Variants in GPC3 observed in about 807,000 individuals in gnomAD.
GPC3 encodes glypican-3.
In GPC3, 3 loss-of-function variants were observed where a neutral mutation model predicts 34.4. That is an observed-to-expected ratio of 0.09 (90% CI 0.04 to 0.23). The LOEUF is 0.23. Among genes scored for constraint, GPC3 ranks in the 10% least tolerant of loss-of-function variants. The pLI is 1.00. For missense variants in GPC3, 351 were observed against 445.6 expected, an observed-to-expected ratio of 0.79 and a Z score of 1.91; for synonymous variants, 177 against 174.0, an observed-to-expected ratio of 1.02 and a Z score of -0.13.
intron 3 of GPC3, among the ~76,000 whole-genome samples, chrX:133,749,551 C>T (rs1346003746): frequency 9.0e-6 from 1 of 111,254 alleles, no homozygotes; most frequent in Non-Finnish European, 1.9e-5. Context: ...CGAACAGTAC[C>T]ACACTCACTT....
intron 7 of GPC3, among the ~76,000 whole-genome samples, chrX:133,586,665 G>A (rs776250844): frequency 4.5e-4 from 50 of 111,718 alleles, no homozygotes; most frequent in Non-Finnish European, 8.1e-4. Flanking sequence ...TGACTATGTG[G>A]TTATTTGTAC....
intron 2 of GPC3, among the ~76,000 whole-genome samples, chrX:133,843,346 G>C (rs2124553281): frequency 9.0e-6 from 1 of 111,209 alleles, no homozygotes; most frequent in Non-Finnish European, 1.9e-5. Flanking sequence ...ACTCAGTTCA[G>C]GTGAGATATG....
At chrX:133,751,322 T>G (rs1232488466) in intron 3 of GPC3, among the ~76,000 whole-genome samples, 2 of 111,318 alleles carry the variant, frequency 1.8e-5, no homozygotes, top group Non-Finnish European at 3.8e-5. Flanking sequence ...CAGTATTAGG[T>G]GAATGAACAT....
intron 2 of GPC3, among the ~76,000 whole-genome samples, chrX:133,851,432 T>C (rs2075873342): frequency 8.9e-6 from 1 of 112,080 alleles, no homozygotes; most frequent in African/African-American, 3.2e-5. Context: ...TATTTTCCTG[T>C]ATCTATTTCC....
At chrX:133,599,117 G>GTC (rs1453600605) in intron 6 of GPC3, among the ~76,000 whole-genome samples, 8 of 111,939 alleles carry the variant, frequency 7.1e-5, no homozygotes, top group African/African-American at 2.6e-4. Context: ...TAGTTTGTCA[G>GTC]TCATTCTCTC....
intron 2 of GPC3, among the ~76,000 whole-genome samples, chrX:133,882,031 G>A (rs1430211726): frequency 1.8e-5 from 2 of 112,376 alleles, no homozygotes; most frequent in Non-Finnish European, 3.8e-5. Context: ...TCAAGGCAGA[G>A]GGATGTAGCC....
chrX:133,565,361 C>T (rs1374311237), intron 7 of GPC3, among the ~76,000 whole-genome samples: 1 of 112,048 alleles, frequency 8.9e-6, no homozygotes, highest in East Asian at 2.8e-4. Flanking sequence ...CAATGCCTCA[C>T]AACTGTTCAC....
chrX:133,678,487 G>GT (rs1246567807), intron 5 of GPC3, among the ~76,000 whole-genome samples: 1 of 111,772 alleles, frequency 8.9e-6, no homozygotes, highest in Non-Finnish European at 1.9e-5. Flanking sequence ...TTTAGTAGCT[G>GT]TAAGAGTCAT....
Position 133,618,425 on chromosome X carries a change from A to C in GPC3, c.1414-21826T>G, listed in dbSNP as rs552167781. Among the ~76,000 whole-genome samples, 8 of 112,176 alleles carry C rather than the reference A, an allele frequency of 7.1e-5. No individual in the cohort carries two copies. The South Asian group carries it at 1.5e-3, about 21-fold the overall frequency. On this transcript the variant is annotated intron_variant, in intron 6 of 7. Coordinates refer to ENST00000370818, the MANE Select transcript of GPC3 (RefSeq NM_004484.4). Reference sequence around the variant, plus strand: ...TCAAAATTCATAATGAAATAAATTCAAAATGAAAGAATGCTCTTGTCAACA... The same window carrying C: ...TCAAAATTCATAATGAAATAAATTCCAAATGAAAGAATGCTCTTGTCAACA...
At chrX:133,697,773 T>C (rs1328366121) in intron 4 of GPC3, among the ~76,000 whole-genome samples, 1 of 112,334 alleles carries the variant, frequency 8.9e-6, no homozygotes, top group Non-Finnish European at 1.9e-5. Flanking sequence ...AACTCGTTGA[T>C]TCACTCAGGA....
chrX:133,905,872 G>A (rs1304255206), intron 2 of GPC3, among the ~76,000 whole-genome samples: 4 of 111,714 alleles, frequency 3.6e-5, no homozygotes, highest in Non-Finnish European at 7.5e-5. Context: ...AACAGAAATC[G>A]TTCTTATTAA....
chrX:133,597,766 A>G (rs2069934610), intron 6 of GPC3, among the ~76,000 whole-genome samples: 1 of 111,621 alleles, frequency 9.0e-6, no homozygotes, highest in South Asian at 3.8e-4. Context: ...CAAAGAAAGG[A>G]AAGTCCCAAA....
At chrX:133,985,237 C>A in intron 1 of GPC3, 38 bp downstream of exon 1, 2 of 1,200,402 alleles carry the variant, frequency 1.7e-6, no homozygotes, top group East Asian at 6.0e-5. Flanking sequence ...CCTTGCTCCC[C>A]GCTGGGCGCT....
At chrX:133,763,425 T>C in intron 2 of GPC3, 2 of 537,792 alleles carry the variant, frequency 3.7e-6, no homozygotes, top group South Asian at 4.6e-5. Context: ...CTGAAGAGAC[T>C]GAAAAAGAAT....
intron 7 of GPC3, among the ~76,000 whole-genome samples, chrX:133,560,482 T>G (rs959585465): frequency 6.2e-5 from 7 of 112,778 alleles, no homozygotes; most frequent in African/African-American, 2.3e-4. Context: ...CTCACGCCTG[T>G]AATCCCAACA....
intron 3 of GPC3, among the ~76,000 whole-genome samples, chrX:133,737,309 A>G (rs2071520686): frequency 8.9e-6 from 1 of 111,997 alleles, no homozygotes; most frequent in African/African-American, 3.3e-5. Flanking sequence ...GTCAAAACCC[A>G]AAGAATGTGC....
chrX:133,794,786 T>G (rs964369273), intron 2 of GPC3, among the ~76,000 whole-genome samples: 2 of 112,294 alleles, frequency 1.8e-5, no homozygotes, highest in African/African-American at 3.2e-5. Flanking sequence ...CTATGCTAGT[T>G]GAAGGGAGAA....
intron 5 of GPC3, among the ~76,000 whole-genome samples, chrX:133,691,332 A>T (rs770735324): frequency 9.1e-6 from 1 of 109,623 alleles, no homozygotes; most frequent in Admixed American, 9.8e-5. Flanking sequence ...AACCCCATCT[A>T]TACTAAAAAT....
chrX:133,698,684 T>C (rs971630817), intron 4 of GPC3, among the ~76,000 whole-genome samples: 2 of 111,793 alleles, frequency 1.8e-5, no homozygotes, highest in Admixed American at 9.5e-5. Flanking sequence ...GAGGCACATA[T>C]ATTTTTCTGG....
Sources: gnomAD v4.1 joint callset for allele counts (sites outside exome capture counted in the v4.1 genomes callset) on GRCh38, gnomAD v4.1.1 for gene constraint, MANE v1.5 for transcripts, NCBI Gene and HGNC (gene_info 2026-07-23, HGNC 2026-07-21) for gene names.